GRAP: variants seen among roughly 807,000 people sequenced by gnomAD.
The protein encoded by GRAP is GRB2-related adapter protein.
GRAP carries 2 observed loss-of-function variants against 9.1 expected under a neutral mutation model. That is an observed-to-expected ratio of 0.22 (90% CI 0.09 to 0.69). The LOEUF is 0.69. Among genes scored for constraint, GRAP ranks in the 30% least tolerant of loss-of-function variants. The pLI is 0.81. For synonymous variants in GRAP, 68 were observed against 73.6 expected (o/e 0.92, Z 0.39); for missense variants, 113 against 179.4 (o/e 0.63, Z 2.12).
At chr17:19,025,713 C>G (rs1251730288) in intron 3 of GRAP, among the ~76,000 whole-genome samples, 3 of 117,062 alleles carry the variant, frequency 2.6e-5, no homozygotes, top group Non-Finnish European at 1.7e-5. Flanking sequence ...CCCAGGTTCA[C>G]GCCATTCTCC....
Position 19,025,194 on chromosome 17 carries a change from C to CTT in GRAP, c.300-813_300-812dup, listed in dbSNP as rs577399592. Among the ~76,000 whole-genome samples the CTT allele has an allele frequency of 0.013, 1,476 of 117,530 alleles. 98 individuals carry two copies. In the East Asian group the frequency reaches 0.24, roughly 19 times the overall value. 77.1% of individuals were successfully genotyped at this position (117,530 alleles called of 152,430 possible). ...TGCTCTTTCTTTTTTCTTTTCTTTTCTTTTTTTTTTTTTTTGAGGCGGAGT... is the reference window on the plus strand; with the variant it reads ...TGCTCTTTCTTTTTTCTTTTCTTTTCTTTTTTTTTTTTTTTTTGAGGCGGAGT... On this transcript the variant is annotated intron_variant, in intron 3 of 4. Transcript: ENST00000284154.
At chr17:19,027,470 G>GCACACACA (rs778501108) in intron 3 of GRAP, among the ~76,000 whole-genome samples, 2 of 116,018 alleles carry the variant, frequency 1.7e-5, no homozygotes, top group East Asian at 7.3e-4. Context: ...TGGGACACAT[G>GCACACACA]CGCGCGCGCG....
chr17:19,030,252 G>GCAT (rs1385374474), intron 3 of GRAP: 1 of 443,640 alleles, frequency 2.3e-6, no homozygotes, highest in Non-Finnish European at 4.3e-6. Context: ...AGCAGCAGCA[G>GCAT]CAGCAGCAGC....
Position 19,024,575 on chromosome 17 carries a change from G to T in GRAP, c.300-192C>A. 4.2e-6 allele frequency: 2 copies of T among 470,744 alleles called. No homozygotes were observed. Among genetic ancestry groups the T allele is most frequent in the Non-Finnish European group, 5.6e-6 (2 of 359,316 alleles). The allele number at this position is 470,744 out of a possible 1,614,324, so 29.2% of individuals were successfully genotyped here. On this transcript the variant is annotated intron_variant, in intron 3 of 4. Coordinates refer to ENST00000284154, the MANE Select transcript of GRAP (RefSeq NM_006613.4). This position sits in a 1 kb window ranked among gnomAD's most constrained non-coding sequence, Gnocchi z 4.2. ...GTCTGGGGAGTCCCATCTGGCAGTG[G>T]AATATGGGGTTAATTTAAGGGTGTG... is the stretch of plus-strand genomic sequence containing the variant.
chr17:19,024,151 C>T lies in GRAP; in HGVS notation c.468+64G>A. 3 of 1,476,124 alleles carry T rather than the reference C, an allele frequency of 2.0e-6. No individual in the cohort carries two copies. The highest frequency in any genetic ancestry group is 2.8e-6 in the Non-Finnish European group (3 of 1,081,712). The allele number at this position is 1,476,124 out of a possible 1,614,324, so 91.4% of individuals were successfully genotyped here. On this transcript the variant is annotated intron_variant, in intron 4 of 4. Coordinates refer to ENST00000284154, the MANE Select transcript of GRAP (RefSeq NM_006613.4). This position sits in a 1 kb window ranked among gnomAD's most constrained non-coding sequence, Gnocchi z 4.2. The stretch of plus-strand genomic sequence containing the variant: ...GTGCTTGGCCTCAGTGTCAGCATCT[C>T]CCCTGCTGCAGATGGCAGGAGGTGC...
chr17:19,027,524 A>ACACACACACACACACACC (rs1157535157), intron 3 of GRAP, among the ~76,000 whole-genome samples: 4 of 139,048 alleles, frequency 2.9e-5, no homozygotes, highest in Non-Finnish European at 4.7e-5. Flanking sequence ...ACACACACAC[A>ACACACACACACACACACC]CCCCTACCTC....
In GRAP at chr17:19,021,818, G is replaced by C. The variant is rs1459750572; in HGVS notation, c.*141C>G. ...CCATCCCAGTTTGTGCAGAGCGGCC[G>C]GAGGCAGTTAGGAGCCCACGTTCAG... is the stretch of plus-strand genomic sequence containing the variant. On this transcript the variant is annotated 3_prime_UTR_variant, in exon 5 of 5. Coordinates refer to ENST00000284154, the MANE Select transcript of GRAP (RefSeq NM_006613.4). This position sits in a 1 kb window ranked among gnomAD's most constrained non-coding sequence, Gnocchi z 4.1. 1.2e-6 allele frequency: 1 copy of C among 827,744 alleles called. No individual in the cohort carries two copies. Among genetic ancestry groups the C allele is most frequent in the South Asian group, 3.6e-5 (1 of 28,100 alleles). 51.3% of individuals were successfully genotyped at this position (827,744 alleles called of 1,614,324 possible).
In GRAP at chr17:19,024,618, CTT is replaced by C. The variant is rs2044298728; in HGVS notation, c.300-237_300-236del. 4.9e-6 allele frequency: 1 copy of C among 206,116 alleles called. No individual in the cohort carries two copies. The highest frequency in any genetic ancestry group is 8.5e-6 in the Non-Finnish European group (1 of 117,260). The allele number at this position is 206,116 out of a possible 1,614,324, so 12.8% of individuals were successfully genotyped here. On this transcript the variant is annotated intron_variant, in intron 3 of 4. Coordinates refer to ENST00000284154, the MANE Select transcript of GRAP (RefSeq NM_006613.4). This position sits in a 1 kb window ranked among gnomAD's most constrained non-coding sequence, Gnocchi z 4.2. ...AGGGTGTGGGCTCTGAACCAGGCCA[CTT>C]TCTCACTGTGTGACCTCATGCAAGT... is the stretch of plus-strand genomic sequence containing the variant.
chr17:19,021,894 C>T lies in GRAP; in HGVS notation c.*65G>A, dbSNP rs1428949721. The T allele has an allele frequency of 7.1e-7, 1 of 1,417,368 alleles. No homozygotes were observed. Among genetic ancestry groups the T allele is most frequent in the Non-Finnish European group, 9.2e-7 (1 of 1,082,474 alleles). 87.8% of individuals were successfully genotyped at this position (1,417,368 alleles called of 1,614,324 possible). Reference sequence around the variant, plus strand: ...GTGACTCTGACAGAGCTGGGGGTGTCCATGTCCTCTCTGGACCTCAGTTCC... The same window carrying T: ...GTGACTCTGACAGAGCTGGGGGTGTTCATGTCCTCTCTGGACCTCAGTTCC... On this transcript the variant is annotated 3_prime_UTR_variant, in exon 5 of 5. Transcript: ENST00000284154. The surrounding 1 kb of genome is among the most constrained non-coding windows in gnomAD (Gnocchi z 4.1).
upstream of GRAP, among the ~76,000 whole-genome samples, chr17:19,049,014 C>T (rs1261572221): frequency 6.9e-6 from 1 of 143,920 alleles, no homozygotes; most frequent in East Asian, 2.1e-4. Flanking sequence ...GGGTTGGGAT[C>T]GGCCCCCGCC....
chr17:19,031,434 G>A (rs1229112477), intron 3 of GRAP: 6 of 122,384 alleles, frequency 4.9e-5, no homozygotes, highest in African/African-American at 1.3e-4. Context: ...CAGGTCACCC[G>A]GCTTCCCAGC....
At chr17:19,023,179 C>G (rs2044286904) in intron 4 of GRAP, among the ~76,000 whole-genome samples, 1 of 152,140 alleles carries the variant, frequency 6.6e-6, no homozygotes, top group Admixed American at 6.5e-5. Context: ...CAGGGTCAGG[C>G]AGGGAAGGCC....
chr17:19,023,197 G>A (rs1433755365), intron 4 of GRAP, among the ~76,000 whole-genome samples: 1 of 152,170 alleles, frequency 6.6e-6, no homozygotes, highest in Non-Finnish European at 1.5e-5. Context: ...GCCAACAGAG[G>A]AGAAACTAGT....
rs1159369277 is a variant in GRAP, at chr17:19,024,850, C to G, written c.300-467G>C. Among the ~76,000 whole-genome samples the G allele has an allele frequency of 6.6e-6, 1 of 152,106 alleles. No individual in the cohort carries two copies. Among genetic ancestry groups the G allele is most frequent in the Admixed American group, 6.5e-5 (1 of 15,278 alleles). On this transcript the variant is annotated intron_variant, in intron 3 of 4. Coordinates refer to ENST00000284154, the MANE Select transcript of GRAP (RefSeq NM_006613.4). This position sits in a 1 kb window ranked among gnomAD's most constrained non-coding sequence, Gnocchi z 4.2. ...CTGCTCCTCCCATGCCCCAGAGTCC[C>G]TTGGGGAGCAAGTCCTAGACTCATC...
chr17:19,025,156 G>T (rs569123538), intron 3 of GRAP, among the ~76,000 whole-genome samples: 21 of 151,542 alleles, frequency 1.4e-4, no homozygotes, highest in African/African-American at 4.8e-4. Context: ...CTAGCCCAGC[G>T]GAGGAGAGAG....
Position 19,021,072 on chromosome 17 carries a change from G to A in GRAP, c.*887C>T, listed in dbSNP as rs1680196818. 1 of 152,574 alleles carries A rather than the reference G, an allele frequency of 6.6e-6. No homozygotes were observed. Among genetic ancestry groups the A allele is most frequent in the Admixed American group, 6.5e-5 (1 of 15,300 alleles). 9.5% of individuals were successfully genotyped at this position (152,574 alleles called of 1,614,324 possible). A position where few individuals can be genotyped will look rare whatever the true frequency, so the allele number is the denominator to read the frequency against. On this transcript the variant is annotated 3_prime_UTR_variant, in exon 5 of 5. Coordinates refer to ENST00000284154, the MANE Select transcript of GRAP (RefSeq NM_006613.4). The surrounding 1 kb of genome is among the most constrained non-coding windows in gnomAD (Gnocchi z 4.1). ...GAGGACCCTCCTGTTCTCGGGTAGG[G>A]GCCGTGCCCCACCTAGGTAGCCGTC...
intron 3 of GRAP, among the ~76,000 whole-genome samples, chr17:19,027,469 T>TGCACGCGC (rs1491507529): frequency 1.3e-4 from 16 of 125,738 alleles, no homozygotes; most frequent in Admixed American, 2.6e-4. Flanking sequence ...ATGGGACACA[T>TGCACGCGC]GCGCGCGCGC....
Position 19,030,392 on chromosome 17 carries a change from C to T in GRAP, c.299+5566G>A, listed in dbSNP as rs759106586. 2.5e-3 allele frequency: 301 copies of T among 121,968 alleles called. 1 individual carries two copies. Among genetic ancestry groups the T allele is most frequent in the East Asian group, 0.02 (124 of 6,108 alleles). The allele number at this position is 121,968 out of a possible 1,614,324, so 7.6% of individuals were successfully genotyped here. On this transcript the variant is annotated intron_variant, in intron 3 of 4. Coordinates refer to ENST00000284154, the MANE Select transcript of GRAP (RefSeq NM_006613.4). The stretch of plus-strand genomic sequence containing the variant: ...TGGACCCACCTGGGTGCTAACTGCC[C>T]GCTGGGCGATCTCCATCAGGCATGG...
At chr17:19,022,169 A>AG (rs2044275678) in intron 4 of GRAP, 25 bp from the exon 5 acceptor site, 1 of 1,365,922 alleles carries the variant, frequency 7.3e-7, no homozygotes, top group African/African-American at 1.5e-5. Context: ...GGTGGTTAGT[A>AG]GGGTGCCTTC....
Sources: gnomAD v4.1 joint callset for allele counts (sites outside exome capture counted in the v4.1 genomes callset) on GRCh38, gnomAD v4.1.1 for gene constraint, Gnocchi (gnomAD v3.1) non-coding constraint, MANE v1.5 for transcripts, NCBI Gene and HGNC (gene_info 2026-07-23, HGNC 2026-07-21) for gene names.